NHS: variants seen among roughly 807,000 people sequenced by gnomAD.
The protein encoded by NHS is actin remodeling regulator NHS.
NHS carries 5 observed loss-of-function variants against 72.5 expected under a neutral mutation model. The ratio of observed to expected loss-of-function variants is 0.07; its 90% CI spans 0.04 to 0.14. The LOEUF (loss-of-function observed/expected upper bound fraction) is 0.14, where lower values mean the gene tolerates loss of function less well. Ranked by LOEUF, NHS falls within the 10% of genes least tolerant of loss-of-function variation. The probability of loss-of-function intolerance (pLI) is 1.00; values close to 1 mark genes in which losing one functional copy is unlikely to be tolerated. For missense variants in NHS, 1,072 were observed against 1,355.7 expected (o/e 0.79, Z 3.29); for synonymous variants, 464 against 547.7 (o/e 0.85, Z 2.13).
chrX:17,635,616 A>T (rs1224961542), intron 1 of NHS: 2 of 1,165,684 alleles, frequency 1.7e-6, no homozygotes, highest in Non-Finnish European at 2.3e-6. Context: ...TGGGGTTTGC[A>T]GCATTTCTTG....
At chrX:17,647,428 C>G (rs1190164176) in intron 1 of NHS, among the ~76,000 whole-genome samples, 1 of 111,873 alleles carries the variant, frequency 8.9e-6, no homozygotes, top group Non-Finnish European at 1.9e-5. Context: ...TCAGATAGTT[C>G]AATTTGGCCC....
At chrX:17,718,820 T>G (rs866136926) in intron 3 of NHS, among the ~76,000 whole-genome samples, 201 of 34,566 alleles carry the variant, frequency 5.8e-3, no homozygotes, top group East Asian at 8.1e-3. Flanking sequence ...GGAGGGAAGG[T>G]AGGAAGGGAA....
chrX:17,537,033 C>G (rs2065228447), intron 1 of NHS, among the ~76,000 whole-genome samples: 1 of 112,015 alleles, frequency 8.9e-6, no homozygotes, highest in African/African-American at 3.2e-5. Flanking sequence ...ATTGAAATAG[C>G]AGCAAAGTCT....
intron 1 of NHS, among the ~76,000 whole-genome samples, chrX:17,542,830 G>A (rs2065271192): frequency 9.0e-6 from 1 of 110,669 alleles, no homozygotes; most frequent in African/African-American, 3.3e-5. Flanking sequence ...CAAGTTATAT[G>A]AGCATTCTAA....
At chrX:17,405,459 G>A (rs1370045910) in intron 1 of NHS, among the ~76,000 whole-genome samples, 1 of 111,591 alleles carries the variant, frequency 9.0e-6, no homozygotes, top group African/African-American at 3.3e-5. Context: ...AGGTGATTCA[G>A]TTTAATCATC....
intron 1 of NHS, among the ~76,000 whole-genome samples, chrX:17,597,430 CTTT>C (rs536355888): frequency 2.1e-5 from 2 of 94,712 alleles, no homozygotes. Flanking sequence ...TGGCTATTCT[CTTT>C]TTTTTTTTTT....
Position 17,719,029 on chromosome X carries a change from G to C in NHS, c.853-315G>C, listed in dbSNP as rs773932447. 1.1e-4 allele frequency among the ~76,000 whole-genome samples: 10 copies of C among 87,622 alleles called. No homozygotes were observed. The East Asian group carries it at 4.0e-3, about 35-fold the overall frequency. The allele number at this position is 87,622 out of a possible 115,157, so 76.1% of individuals were successfully genotyped here. On this transcript the variant is annotated intron_variant, in intron 3 of 8. Coordinates refer to ENST00000676302, the MANE Select transcript of NHS (RefSeq NM_001291867.2). ...GAAGAAGAAAGGAAGGAAGAAAAAAGGAAAGAAGGAGGGAGGGAAGGAAGG... is the reference window on the plus strand; with the variant it reads ...GAAGAAGAAAGGAAGGAAGAAAAAACGAAAGAAGGAGGGAGGGAAGGAAGG...
At chrX:17,581,947 A>T (rs1024372671) in intron 1 of NHS, among the ~76,000 whole-genome samples, 2 of 111,831 alleles carry the variant, frequency 1.8e-5, no homozygotes, top group Non-Finnish European at 3.8e-5. Flanking sequence ...AAGATTCCAG[A>T]ATTGCAGAGT....
intron 1 of NHS, among the ~76,000 whole-genome samples, chrX:17,605,912 C>T (rs970148831): frequency 8.9e-6 from 1 of 111,884 alleles, no homozygotes; most frequent in Non-Finnish European, 1.9e-5. Flanking sequence ...TGTTACCAGG[C>T]AGTATTGCTT....
In NHS at chrX:17,474,741, CA is replaced by C. The variant is rs1230423087; in HGVS notation, c.565+98420del. 1.1e-4 allele frequency among the ~76,000 whole-genome samples: 12 copies of C among 111,770 alleles called. 1 individual carries two copies. Among genetic ancestry groups the C allele is most frequent in the Non-Finnish European group, 1.9e-4 (10 of 53,134 alleles). On this transcript the variant is annotated intron_variant, in intron 1 of 8. Coordinates refer to ENST00000676302, the MANE Select transcript of NHS (RefSeq NM_001291867.2). ...GCTCCTTTCTGCAGAAGGCAATTCC[CA>C]GAGCAGGAAAAAGCTGTGAGCCCTC...
intron 1 of NHS, among the ~76,000 whole-genome samples, chrX:17,563,812 G>A (rs778970318): frequency 9.1e-6 from 1 of 109,881 alleles, no homozygotes; most frequent in South Asian, 4.0e-4. Context: ...GACGGGTGGG[G>A]GAGGTGGAGA....
At chrX:17,617,897 C>T (rs1165582145) in intron 1 of NHS, among the ~76,000 whole-genome samples, 1 of 112,046 alleles carries the variant, frequency 8.9e-6, no homozygotes, top group Non-Finnish European at 1.9e-5. Context: ...GCAAATTTCT[C>T]CCCAAATGAG....
intron 1 of NHS, among the ~76,000 whole-genome samples, chrX:17,426,911 A>C (rs1316826651): frequency 4.5e-5 from 5 of 111,835 alleles, no homozygotes; most frequent in African/African-American, 1.6e-4. Flanking sequence ...GGGACATATC[A>C]CAGTGGTGGA....
chrX:17,539,975 G>A (rs922009730), intron 1 of NHS, among the ~76,000 whole-genome samples: 1 of 112,321 alleles, frequency 8.9e-6, no homozygotes, highest in South Asian at 3.7e-4. Flanking sequence ...TGGAACAGAG[G>A]CTTCCACTAT....
intron 1 of NHS, among the ~76,000 whole-genome samples, chrX:17,667,340 G>A (rs2147097379): frequency 8.9e-6 from 1 of 111,884 alleles, no homozygotes; most frequent in South Asian, 3.8e-4. Flanking sequence ...GGTTAAGGCA[G>A]GGAGTTTTGA....
At position 17,701,689 on chromosome X, in the gene NHS, C is replaced by T. The variant is rs778794666; in HGVS notation, c.852+9221C>T. Reference sequence around the variant, plus strand: ...TAACACCAGGTGTGGGCAGGTGTGGCTCCTAATATGTGGAGTGAACTGAGG... The same window carrying T: ...TAACACCAGGTGTGGGCAGGTGTGGTTCCTAATATGTGGAGTGAACTGAGG... On this transcript the variant is annotated intron_variant, in intron 3 of 8. Coordinates refer to ENST00000676302, the MANE Select transcript of NHS (RefSeq NM_001291867.2). Among the ~76,000 whole-genome samples the T allele has an allele frequency of 6.6e-4, 73 of 110,788 alleles. 1 individual carries two copies. The highest frequency in any genetic ancestry group is 1.1e-3 in the Non-Finnish European group (56 of 52,912).
chrX:17,645,199 T>C (rs766986364), intron 1 of NHS, among the ~76,000 whole-genome samples: 20 of 111,776 alleles, frequency 1.8e-4, no homozygotes, highest in Non-Finnish European at 3.6e-4. Context: ...AATTAATTTT[T>C]AAAACTATCT....
At chrX:17,640,507 A>G (rs1388812685) in intron 1 of NHS, among the ~76,000 whole-genome samples, 1 of 112,340 alleles carries the variant, frequency 8.9e-6, no homozygotes, top group Non-Finnish European at 1.9e-5. Context: ...TCAAGCTCCA[A>G]TAAGAGGAAA....
intron 1 of NHS, among the ~76,000 whole-genome samples, chrX:17,389,952 GA>G (rs1267625102): frequency 1.2e-3 from 117 of 95,622 alleles, no homozygotes; most frequent in East Asian, 8.2e-3. Flanking sequence ...TAAAAAAAAT[GA>G]AAAAAAAAAA....
Sources: gnomAD v4.1 joint callset for allele counts (sites outside exome capture counted in the v4.1 genomes callset) on GRCh38, gnomAD v4.1.1 for gene constraint, MANE v1.5 for transcripts, NCBI Gene and HGNC (gene_info 2026-07-23, HGNC 2026-07-21) for gene names.